Variants in SPATA16 observed in about 807,000 individuals in gnomAD.
The protein encoded by SPATA16 is spermatogenesis associated 16.
In SPATA16, 36 loss-of-function variants were observed where a neutral mutation model predicts 63.3. That is an observed-to-expected ratio of 0.57 (90% CI 0.44 to 0.75). The LOEUF is 0.75. SPATA16 is among the 30% of genes least tolerant of loss of function. SPATA16 has a pLI of 0.00. For synonymous variants in SPATA16, 203 were observed against 216.7 expected (o/e 0.94, Z 0.56); for missense variants, 646 against 679.3 (o/e 0.95, Z 0.54).
At chr3:173,006,047 A>G (rs1489896025) in intron 4 of SPATA16, among the ~76,000 whole-genome samples, 1 of 152,182 alleles carries the variant, frequency 6.6e-6, no homozygotes, top group Non-Finnish European at 1.5e-5. Flanking sequence ...CAAATATAAG[A>G]CTTCTACTAC....
At chr3:173,089,039 C>T (rs1253368422) in intron 2 of SPATA16, among the ~76,000 whole-genome samples, 1 of 152,094 alleles carries the variant, frequency 6.6e-6, no homozygotes, top group African/African-American at 2.4e-5. Flanking sequence ...GCTGTATGAC[C>T]CACTGGCTGG....
chr3:172,971,198 CT>C (rs1360007813), intron 5 of SPATA16, among the ~76,000 whole-genome samples: 6 of 152,186 alleles, frequency 3.9e-5, no homozygotes, highest in Non-Finnish European at 7.4e-5. Context: ...AAACCTGCAA[CT>C]TTCTTCAAAA....
rs188570687 is a variant in SPATA16, at chr3:173,093,990, T to A, written c.612+23130A>T. ...GAGCAGTCTTTCTGATTTACTTCAT[T>A]TTCCTCTTTCCTGTGCTGCTCTCTC... On this transcript the variant is annotated intron_variant, in intron 2 of 10. Coordinates refer to ENST00000351008, the MANE Select transcript of SPATA16 (RefSeq NM_031955.6). 4.7e-3 allele frequency among the ~76,000 whole-genome samples: 708 copies of A among 152,226 alleles called. 2 individuals are homozygous for A. The highest frequency in any genetic ancestry group is 6.0e-3 in the Non-Finnish European group (409 of 67,982).
At chr3:172,930,674 T>G (rs1327414560) in intron 6 of SPATA16, among the ~76,000 whole-genome samples, 1 of 146,176 alleles carries the variant, frequency 6.8e-6, no homozygotes, top group Non-Finnish European at 1.5e-5. Flanking sequence ...TTCTCCTGCC[T>G]CAGCCTCCCG....
At position 172,917,943 on chromosome 3, in the gene SPATA16, C is replaced by T. The variant is rs191040211; in HGVS notation, c.1339-1462G>A. 1.1e-4 allele frequency among the ~76,000 whole-genome samples: 16 copies of T among 152,336 alleles called. No homozygotes were observed. The East Asian group carries it at 1.4e-3, about 13-fold the overall frequency. On this transcript the variant is annotated intron_variant, in intron 8 of 10. Transcript: ENST00000351008. ...GGAAATAAAGAAAGGCTGGCACCAT[C>T]GTGCTGTATCTGCTTTATTTGTCCC... is the stretch of plus-strand genomic sequence containing the variant.
intron 8 of SPATA16, among the ~76,000 whole-genome samples, chr3:172,917,519 G>A (rs1236186731): frequency 1.3e-5 from 2 of 152,176 alleles, no homozygotes; most frequent in African/African-American, 2.4e-5. Context: ...CACTATGCTC[G>A]CTTGTGGACT....
At chr3:173,028,027 C>CTTCCTTCCTTCT (rs1735503729) in intron 3 of SPATA16, among the ~76,000 whole-genome samples, 1 of 44,482 alleles carries the variant, frequency 2.2e-5, no homozygotes, top group Non-Finnish European at 4.1e-5. Flanking sequence ...TCCTTCTTTC[C>CTTCCTTCCTTCT]TTCCTTCCTT....
chr3:173,126,546 G>A (rs752067638), intron 1 of SPATA16, among the ~76,000 whole-genome samples: 6 of 152,198 alleles, frequency 3.9e-5, no homozygotes, highest in Non-Finnish European at 8.8e-5. Context: ...CTGTATAGAT[G>A]TGTAAAGAAA....
intron 4 of SPATA16, among the ~76,000 whole-genome samples, chr3:172,987,389 T>C (rs191379336): frequency 1.3e-5 from 2 of 152,292 alleles, no homozygotes; most frequent in East Asian, 3.9e-4. Flanking sequence ...TTCCTACCAG[T>C]GACCTGTCTC....
At chr3:172,956,421 T>G (rs538671434) in intron 6 of SPATA16, among the ~76,000 whole-genome samples, 55 of 152,278 alleles carry the variant, frequency 3.6e-4, no homozygotes, top group South Asian at 1.7e-3. Context: ...TTCTTCCATT[T>G]TTTAAAATGT....
chr3:172,964,426 G>A (rs1322515384), intron 5 of SPATA16, among the ~76,000 whole-genome samples: 3 of 152,164 alleles, frequency 2.0e-5, no homozygotes, highest in African/African-American at 7.2e-5. Flanking sequence ...GGTTTCAGCA[G>A]CCTCCATACT....
chr3:172,961,700 G>A (rs1479497835), intron 5 of SPATA16, among the ~76,000 whole-genome samples: 1 of 152,132 alleles, frequency 6.6e-6, no homozygotes, highest in East Asian at 1.9e-4. Flanking sequence ...GGCCTTCTAA[G>A]GACTTATTAA....
chr3:173,137,704 C>T (rs796726089), intron 1 of SPATA16, among the ~76,000 whole-genome samples: 3 of 151,976 alleles, frequency 2.0e-5, no homozygotes, highest in African/African-American at 7.3e-5. Flanking sequence ...ACTGAGAGAT[C>T]GGAACTTTTG....
intron 3 of SPATA16, among the ~76,000 whole-genome samples, chr3:173,020,549 C>T (rs565096839): frequency 6.6e-6 from 1 of 152,302 alleles, no homozygotes; most frequent in South Asian, 2.1e-4. Context: ...TCCATTATCT[C>T]ACAGAGTTCT....
chr3:172,936,313 A>T (rs918622872), intron 6 of SPATA16, among the ~76,000 whole-genome samples: 1 of 152,250 alleles, frequency 6.6e-6, no homozygotes, highest in Non-Finnish European at 1.5e-5. Flanking sequence ...TCATGCCTAC[A>T]TAATGAAATC....
At chr3:173,039,890 T>C (rs995450778) in intron 3 of SPATA16, among the ~76,000 whole-genome samples, 3 of 152,130 alleles carry the variant, frequency 2.0e-5, no homozygotes, top group Non-Finnish European at 2.9e-5. Context: ...TAAAAGGTGG[T>C]GAGTGTATTT....
chr3:172,934,115 T>C (rs995545250), intron 6 of SPATA16, among the ~76,000 whole-genome samples: 1 of 152,144 alleles, frequency 6.6e-6, no homozygotes, highest in African/African-American at 2.4e-5. Context: ...TTTCTTGACC[T>C]AAATTATAAT....
chr3:173,079,964 C>T (rs1475298071), intron 2 of SPATA16, among the ~76,000 whole-genome samples: 3 of 152,018 alleles, frequency 2.0e-5, no homozygotes, highest in African/African-American at 7.2e-5. Context: ...AATAAAAATA[C>T]GCAATGCCTA....
At chr3:173,077,240 G>A (rs942473413) in intron 2 of SPATA16, among the ~76,000 whole-genome samples, 15 of 151,724 alleles carry the variant, frequency 9.9e-5, no homozygotes, top group Admixed American at 2.6e-4. Context: ...TTTTCACAAA[G>A]TTTGTTTTCT....
Sources: gnomAD v4.1 joint callset for allele counts (sites outside exome capture counted in the v4.1 genomes callset) on GRCh38, gnomAD v4.1.1 for gene constraint, MANE v1.5 for transcripts, NCBI Gene and HGNC (gene_info 2026-07-23, HGNC 2026-07-21) for gene names.